Variants in SLC39A11 observed in about 807,000 individuals in gnomAD.
SLC39A11 encodes zinc transporter ZIP11.
A neutral mutation model predicts 36.1 loss-of-function variants in SLC39A11; 33 were observed. The ratio of observed to expected loss-of-function variants is 0.91; its 90% CI spans 0.69 to 1.22. The LOEUF (loss-of-function observed/expected upper bound fraction) is 1.22, where lower values mean the gene tolerates loss of function less well. SLC39A11 is among the 50% of genes most tolerant of loss of function. SLC39A11 has a pLI of 0.00. For synonymous variants in SLC39A11, 166 were observed against 170.3 expected (o/e 0.97, Z 0.20); for missense variants, 432 against 430.3 (o/e 1.00, Z -0.03).
intron 7 of SLC39A11, among the ~76,000 whole-genome samples, chr17:72,682,409 T>G (rs1237128143): frequency 6.6e-6 from 1 of 150,388 alleles, no homozygotes; most frequent in Non-Finnish European, 1.5e-5. Flanking sequence ...GTTGATCGAC[T>G]GTTTATGCTA....
chr17:72,725,662 T>C (rs990823059), intron 7 of SLC39A11: 1 of 152,184 alleles, frequency 6.6e-6, no homozygotes, highest in Non-Finnish European at 1.5e-5. Context: ...TACCGCGTGG[T>C]GGCGCCGTCT....
chr17:73,019,854 C>T (rs2058285440), intron 4 of SLC39A11, among the ~76,000 whole-genome samples: 1 of 151,988 alleles, frequency 6.6e-6, no homozygotes, highest in Non-Finnish European at 1.5e-5. Flanking sequence ...AAAAGTAAAA[C>T]ACAATGTTAT....
chr17:72,790,600 T>C (rs533535117), intron 6 of SLC39A11, among the ~76,000 whole-genome samples: 1 of 152,016 alleles, frequency 6.6e-6, no homozygotes, highest in South Asian at 2.1e-4. Context: ...GGTACGATCA[T>C]GGCTCACTGC....
chr17:73,008,090 G>A (rs929294707), intron 4 of SLC39A11, among the ~76,000 whole-genome samples: 14 of 114,784 alleles, frequency 1.2e-4, no homozygotes, highest in South Asian at 3.2e-4. Context: ...GTGACAGAGC[G>A]AGACTCAGTC....
At chr17:72,759,568 C>T (rs1414465184) in intron 6 of SLC39A11, among the ~76,000 whole-genome samples, 1 of 152,140 alleles carries the variant, frequency 6.6e-6, no homozygotes, top group Admixed American at 6.6e-5. Context: ...TGAGTGGCTA[C>T]TCAGTGGGTA....
At chr17:72,921,061 G>A (rs1023937373) in intron 5 of SLC39A11, among the ~76,000 whole-genome samples, 2 of 152,134 alleles carry the variant, frequency 1.3e-5, no homozygotes, top group Non-Finnish European at 2.9e-5. Flanking sequence ...TTGTTTGTTC[G>A]GTTGGTTGGT....
intron 7 of SLC39A11, among the ~76,000 whole-genome samples, chr17:72,715,495 A>G (rs970558800): frequency 6.6e-6 from 1 of 152,178 alleles, no homozygotes; most frequent in African/African-American, 2.4e-5. Flanking sequence ...ACACGTTACA[A>G]CATGATGACC....
intron 5 of SLC39A11, among the ~76,000 whole-genome samples, chr17:72,900,490 C>G (rs2082337399): frequency 1.3e-5 from 2 of 152,146 alleles, no homozygotes; most frequent in South Asian, 2.1e-4. Flanking sequence ...GCTGGGGTGA[C>G]AGTAAATGAG....
intron 5 of SLC39A11, among the ~76,000 whole-genome samples, chr17:72,921,041 A>T (rs188860836): frequency 6.6e-6 from 1 of 152,274 alleles, no homozygotes; most frequent in Admixed American, 6.5e-5. Flanking sequence ...TCTTGTTCTT[A>T]TTCTTGCATT....
chr17:72,735,837 G>A (rs2074404770), intron 7 of SLC39A11, among the ~76,000 whole-genome samples: 1 of 152,174 alleles, frequency 6.6e-6, no homozygotes. Flanking sequence ...CCAAGGCTGT[G>A]ACCTTACCTA....
chr17:72,748,731 A>C (rs1448691817), intron 6 of SLC39A11, among the ~76,000 whole-genome samples: 2 of 152,224 alleles, frequency 1.3e-5, no homozygotes, highest in Non-Finnish European at 2.9e-5. Context: ...GTTTCCTCAG[A>C]GAAAAAGGGA....
intron 4 of SLC39A11, among the ~76,000 whole-genome samples, chr17:73,020,654 T>C (rs1181136750): frequency 6.6e-6 from 1 of 151,338 alleles, no homozygotes; most frequent in African/African-American, 2.4e-5. Flanking sequence ...TGCTTTTGGG[T>C]TTTTGGGGGG....
intron 3 of SLC39A11, among the ~76,000 whole-genome samples, chr17:73,053,698 A>G (rs1406617887): frequency 6.6e-6 from 1 of 152,204 alleles, no homozygotes; most frequent in African/African-American, 2.4e-5. Flanking sequence ...AGGATTCTTT[A>G]TAATGCCAGA....
intron 7 of SLC39A11, chr17:72,725,475 C>G (rs2073886745): frequency 6.6e-6 from 1 of 152,168 alleles, no homozygotes; most frequent in South Asian, 2.1e-4. Flanking sequence ...TGAAAAATAT[C>G]CAAAGCAAAG....
At chr17:72,675,356 C>G (rs183984278) in intron 7 of SLC39A11, among the ~76,000 whole-genome samples, 4 of 152,302 alleles carry the variant, frequency 2.6e-5, no homozygotes, top group Non-Finnish European at 4.4e-5. Context: ...TGGGTCCTCA[C>G]GGGCACTGAA....
chr17:73,047,246 G>C (rs893728043), intron 3 of SLC39A11, among the ~76,000 whole-genome samples: 9 of 151,470 alleles, frequency 5.9e-5, no homozygotes, highest in Non-Finnish European at 1.3e-4. Context: ...GGATGGTCTC[G>C]ATCTCCTGAC....
chr17:72,773,679 C>CACACACA (rs57105900), intron 6 of SLC39A11, among the ~76,000 whole-genome samples: 14,943 of 145,676 alleles, frequency 0.1, 879 homozygotes, highest in East Asian at 0.18. Context: ...ACACACACAC[C>CACACACA]CAGTATATAA....
At chr17:72,667,348 A>AG (rs1369046606) in intron 7 of SLC39A11, among the ~76,000 whole-genome samples, 1 of 152,210 alleles carries the variant, frequency 6.6e-6, no homozygotes, top group Non-Finnish European at 1.5e-5. Context: ...CTCTAGGTGC[A>AG]GGGGGCGCTT....
chr17:72,900,060 GAA>G (rs1261681183), intron 5 of SLC39A11, among the ~76,000 whole-genome samples: 15 of 141,562 alleles, frequency 1.1e-4, no homozygotes, highest in Non-Finnish European at 1.7e-4. Flanking sequence ...GAGAAAGAAA[GAA>G]AGAGAGAGAG....
Sources: gnomAD v4.1 joint callset for allele counts (sites outside exome capture counted in the v4.1 genomes callset) on GRCh38, gnomAD v4.1.1 for gene constraint, MANE v1.5 for transcripts, NCBI Gene and HGNC (gene_info 2026-07-23, HGNC 2026-07-21) for gene names.